Variants in SGCZ observed in about 807,000 individuals in gnomAD.
The protein encoded by SGCZ is zeta-sarcoglycan.
SGCZ carries 40 observed loss-of-function variants against 41.3 expected under a neutral mutation model. That is an observed-to-expected ratio of 0.97 (90% CI 0.75 to 1.26). The LOEUF is 1.26. Among genes scored for constraint, SGCZ ranks in the 50% most tolerant of loss-of-function variants. SGCZ has a pLI of 0.00. For missense variants in SGCZ, 552 were observed against 369.8 expected (o/e 1.49, Z -4.04); for synonymous variants, 206 against 137.5 (o/e 1.50, Z -3.49).
chr8:14,454,597 T>G (rs893505170), intron 2 of SGCZ, among the ~76,000 whole-genome samples: 2 of 151,984 alleles, frequency 1.3e-5, no homozygotes, highest in African/African-American at 4.8e-5. Flanking sequence ...TCAAAAACAC[T>G]GTAAAAGAAA....
At chr8:15,139,862 A>T (rs1808256940) in intron 1 of SGCZ, among the ~76,000 whole-genome samples, 1 of 152,142 alleles carries the variant, frequency 6.6e-6, no homozygotes. Context: ...TAGTCACTGA[A>T]GTTCCCCCAT....
intron 2 of SGCZ, among the ~76,000 whole-genome samples, chr8:14,343,804 G>C (rs1174340466): frequency 6.6e-6 from 1 of 152,006 alleles, no homozygotes; most frequent in Non-Finnish European, 1.5e-5. Flanking sequence ...TAACATTATA[G>C]AGAGTATTTA....
chr8:14,711,435 CA>C (rs543412312), intron 1 of SGCZ, among the ~76,000 whole-genome samples: 1,170 of 102,958 alleles, frequency 0.011, 9 homozygotes, highest in South Asian at 0.018. Context: ...ACTAAAAATA[CA>C]AAAAAAAAAA....
At chr8:15,200,997 C>T (rs747212162) in intron 1 of SGCZ, among the ~76,000 whole-genome samples, 1 of 152,088 alleles carries the variant, frequency 6.6e-6, no homozygotes. Flanking sequence ...CCCCCACTAC[C>T]AAAGCGTCCC....
chr8:15,067,892 A>C (rs1805210165), intron 1 of SGCZ, among the ~76,000 whole-genome samples: 1 of 152,216 alleles, frequency 6.6e-6, no homozygotes, highest in Non-Finnish European at 1.5e-5. Flanking sequence ...ATATAGGAAC[A>C]CATTAGACAG....
intron 1 of SGCZ, among the ~76,000 whole-genome samples, chr8:15,041,104 G>C (rs145586653): frequency 0.018 from 2,702 of 151,856 alleles, 40 homozygotes; most frequent in Non-Finnish European, 0.022. Flanking sequence ...ATTTTTTAGA[G>C]TAATGAGGTG....
chr8:14,624,326 A>T lies in SGCZ; in HGVS notation c.40-69400T>A, dbSNP rs1488937052. Among the ~76,000 whole-genome samples the T allele has an allele frequency of 2.0e-5, 3 of 152,188 alleles. No homozygotes were observed. In the East Asian group the frequency reaches 5.8e-4, roughly 29 times the overall value. ...AGAAAGTGATGTCTTTATGGTTCTA[A>T]TGTTTCCTCGGCCAACTTAGTTATC... On this transcript the variant is annotated intron_variant, in intron 1 of 7. Coordinates refer to ENST00000382080, the MANE Select transcript of SGCZ (RefSeq NM_139167.4).
intron 2 of SGCZ, among the ~76,000 whole-genome samples, chr8:14,464,133 G>T (rs761314403): frequency 5.3e-5 from 8 of 151,530 alleles, no homozygotes; most frequent in Non-Finnish European, 7.4e-5. Context: ...TACCACATAG[G>T]CTGATGTAGG....
At chr8:14,494,075 G>T (rs182750008) in intron 2 of SGCZ, among the ~76,000 whole-genome samples, 1 of 152,074 alleles carries the variant, frequency 6.6e-6, no homozygotes, top group Non-Finnish European at 1.5e-5. Flanking sequence ...ATATTTGTTC[G>T]CGTGTTTTCA....
chr8:14,529,645 C>A (rs1336695753), intron 2 of SGCZ, among the ~76,000 whole-genome samples: 1 of 152,052 alleles, frequency 6.6e-6, no homozygotes, highest in Non-Finnish European at 1.5e-5. Flanking sequence ...GAGAAATTCC[C>A]TAGTTTTGCC....
At chr8:14,226,463 C>T (rs7846533) in intron 4 of SGCZ, among the ~76,000 whole-genome samples, 54,539 of 151,798 alleles carry the variant, frequency 0.36, 10,212 homozygotes, top group Non-Finnish European at 0.42. Context: ...CTTTTAAGAA[C>T]GTCATATAAA....
intron 4 of SGCZ, among the ~76,000 whole-genome samples, chr8:14,200,491 A>G (rs1025073178): frequency 3.3e-5 from 5 of 152,166 alleles, no homozygotes; most frequent in Non-Finnish European, 1.5e-5. Flanking sequence ...CAGTATTTTT[A>G]AAAGGACTGA....
intron 1 of SGCZ, among the ~76,000 whole-genome samples, chr8:15,161,471 A>G (rs552128783): frequency 6.6e-6 from 1 of 152,186 alleles, no homozygotes; most frequent in African/African-American, 2.4e-5. Flanking sequence ...TGTCTGCTTC[A>G]TGAGGGCCAG....
At chr8:14,908,099 T>C (rs993482457) in intron 1 of SGCZ, among the ~76,000 whole-genome samples, 1 of 152,166 alleles carries the variant, frequency 6.6e-6, no homozygotes, top group Non-Finnish European at 1.5e-5. Context: ...ATGTAGCATA[T>C]CTAAAGTCAG....
At chr8:14,931,411 G>T (rs1337266747) in intron 1 of SGCZ, among the ~76,000 whole-genome samples, 2 of 151,994 alleles carry the variant, frequency 1.3e-5, no homozygotes, top group Non-Finnish European at 2.9e-5. Context: ...ATTCCAGAAA[G>T]ATATTTACAT....
At chr8:14,419,014 G>A (rs1799570323) in intron 2 of SGCZ, among the ~76,000 whole-genome samples, 1 of 151,832 alleles carries the variant, frequency 6.6e-6, no homozygotes, top group African/African-American at 2.4e-5. Flanking sequence ...AATCTCACCT[G>A]TGTGTTAATA....
At chr8:14,634,699 G>A (rs1175546715) in intron 1 of SGCZ, among the ~76,000 whole-genome samples, 1 of 151,698 alleles carries the variant, frequency 6.6e-6, no homozygotes, top group African/African-American at 2.4e-5. Context: ...AAGAATGAAG[G>A]ACTCTCAGAC....
rs559068042 is a variant in SGCZ at position 14,365,617 on chromosome 8, G to T, written c.235-41413C>A. Among the ~76,000 whole-genome samples, 4 of 152,158 alleles carry T rather than the reference G, an allele frequency of 2.6e-5. No individual in the cohort carries two copies. In the East Asian group the frequency reaches 7.7e-4, roughly 29 times the overall value. On this transcript the variant is annotated intron_variant, in intron 2 of 7. Coordinates refer to ENST00000382080, the MANE Select transcript of SGCZ (RefSeq NM_139167.4). ...TTCTCTTGAAAAGTTTAAGGTTAAT[G>T]TTAAGTCTTCTTAAACATTTGGAAT... is the stretch of plus-strand genomic sequence containing the variant.
At chr8:14,360,287 A>C (rs548339796) in intron 2 of SGCZ, among the ~76,000 whole-genome samples, 1 of 152,124 alleles carries the variant, frequency 6.6e-6, no homozygotes. Flanking sequence ...GAAAGAAATA[A>C]AGGGCATCCA....
Sources: allele counts gnomAD v4.1 joint callset (sites outside exome capture counted in the v4.1 genomes callset), GRCh38; gene constraint gnomAD v4.1.1; transcripts MANE v1.5; gene names NCBI Gene and HGNC (gene_info 2026-07-23, HGNC 2026-07-21).